SLC2A13: variants seen among roughly 807,000 people sequenced by gnomAD.
SLC2A13 encodes the protein proton myo-inositol cotransporter.
A neutral mutation model predicts 64.4 loss-of-function variants in SLC2A13; 32 were observed. That is an observed-to-expected ratio of 0.50 (90% CI 0.37 to 0.67). The LOEUF is 0.67. Among genes scored for constraint, SLC2A13 ranks in the 30% least tolerant of loss-of-function variants. The pLI, the probability that SLC2A13 is intolerant of heterozygous loss-of-function variation, is 0.00. For synonymous variants in SLC2A13, 338 were observed against 327.1 expected, an observed-to-expected ratio of 1.03 and a Z score of -0.36; for missense variants, 743 against 829.2, an observed-to-expected ratio of 0.90 and a Z score of 1.28.
At chr12:39,764,659 AT>A (rs1318423643) in intron 8 of SLC2A13, 47 bp from the exon 9 acceptor site, 1 of 1,582,136 alleles carries the variant, frequency 6.3e-7, no homozygotes, top group South Asian at 1.2e-5. Flanking sequence ...CATGTAAGAA[AT>A]TTGAAAAATT....
intron 6 of SLC2A13, among the ~76,000 whole-genome samples, chr12:39,840,416 A>G (rs1943151391): frequency 6.6e-6 from 1 of 151,904 alleles, no homozygotes. Context: ...AGAGCTTCCC[A>G]TTGCCTATAG....
At chr12:39,886,999 T>C (rs1944480066) in intron 4 of SLC2A13, among the ~76,000 whole-genome samples, 2 of 152,214 alleles carry the variant, frequency 1.3e-5, no homozygotes, top group African/African-American at 4.8e-5. Context: ...CTAAACATTT[T>C]AGGGTATAAT....
chr12:39,828,058 C>A (rs1942743065), intron 7 of SLC2A13, among the ~76,000 whole-genome samples: 1 of 152,040 alleles, frequency 6.6e-6, no homozygotes, highest in Non-Finnish European at 1.5e-5. Context: ...ACCAAACCAC[C>A]AATCAACCAA....
intron 3 of SLC2A13, among the ~76,000 whole-genome samples, chr12:39,971,254 T>C (rs1358788918): frequency 6.6e-6 from 1 of 152,190 alleles, no homozygotes; most frequent in East Asian, 1.9e-4. Context: ...AAGATCAAAG[T>C]CATTGAATCA....
intron 7 of SLC2A13, among the ~76,000 whole-genome samples, chr12:39,790,284 T>A (rs778961600): frequency 1.3e-5 from 2 of 151,272 alleles, no homozygotes; most frequent in Non-Finnish European, 2.9e-5. Flanking sequence ...GTTAGTTACA[T>A]ATGTATACAT....
intron 4 of SLC2A13, among the ~76,000 whole-genome samples, chr12:39,920,225 T>C (rs948592039): frequency 1.3e-5 from 2 of 152,146 alleles, no homozygotes; most frequent in African/African-American, 4.8e-5. Flanking sequence ...CTTTTTTCTA[T>C]ACTTACAGAA....
chr12:39,862,685 G>A (rs1943793745), intron 6 of SLC2A13, among the ~76,000 whole-genome samples: 2 of 152,146 alleles, frequency 1.3e-5, no homozygotes, highest in African/African-American at 2.4e-5. Context: ...CTTAAGGAAA[G>A]GGGAAATGTA....
intron 6 of SLC2A13, among the ~76,000 whole-genome samples, chr12:39,839,523 C>T (rs1284298206): frequency 6.6e-6 from 1 of 152,024 alleles, no homozygotes; most frequent in Non-Finnish European, 1.5e-5. Flanking sequence ...ACTCGGAGCA[C>T]TTTTCCAACA....
rs1335179902 is a variant in SLC2A13, at chr12:39,891,834, G to A, written c.1035-19873C>T. Among the ~76,000 whole-genome samples the A allele has an allele frequency of 2.0e-5, 3 of 152,094 alleles. No individual in the cohort carries two copies. In the East Asian group the frequency reaches 5.8e-4, roughly 29 times the overall value. On this transcript the variant is annotated intron_variant, in intron 4 of 9. Coordinates refer to ENST00000280871, the MANE Select transcript of SLC2A13 (RefSeq NM_052885.4). ...CAGTCTTTTCCAGGCATTCAGCTGA[G>A]AACATCTATCTTTACTGTGAAATAA...
intron 7 of SLC2A13, chr12:39,788,741 A>C (rs1201898127): frequency 6.6e-6 from 1 of 152,140 alleles, no homozygotes; most frequent in Non-Finnish European, 1.5e-5. Flanking sequence ...CTGTAGTAAT[A>C]TAATGATGCT....
chr12:39,942,441 T>A (rs191155839), intron 4 of SLC2A13, among the ~76,000 whole-genome samples: 1 of 152,316 alleles, frequency 6.6e-6, no homozygotes, highest in Admixed American at 6.5e-5. Context: ...TTGTTAGGTA[T>A]ATTTCTAAGT....
chr12:39,787,916 A>G (rs1258056991), intron 7 of SLC2A13, among the ~76,000 whole-genome samples: 3 of 152,184 alleles, frequency 2.0e-5, no homozygotes, highest in African/African-American at 4.8e-5. Flanking sequence ...AAAGAGCAGT[A>G]TTGTCACCTA....
At chr12:39,917,461 T>C (rs1945540411) in intron 4 of SLC2A13, among the ~76,000 whole-genome samples, 2 of 152,104 alleles carry the variant, frequency 1.3e-5, no homozygotes, top group Non-Finnish European at 2.9e-5. Flanking sequence ...TCTGTGTGTG[T>C]CTGTCAGGGT....
At chr12:39,848,175 A>G (rs4382970) in intron 6 of SLC2A13, among the ~76,000 whole-genome samples, 82,923 of 152,038 alleles carry the variant, frequency 0.55, 22,848 homozygotes, top group East Asian at 0.74. Context: ...AAAATTGACA[A>G]GTGGGATCTA....
chr12:39,866,624 C>G (rs530460075), intron 5 of SLC2A13, among the ~76,000 whole-genome samples: 1 of 152,032 alleles, frequency 6.6e-6, no homozygotes, highest in Non-Finnish European at 1.5e-5. Context: ...GGACTACAGG[C>G]GCCCGCCACC....
chr12:39,955,804 C>T (rs1228277459), intron 3 of SLC2A13, among the ~76,000 whole-genome samples: 1 of 152,058 alleles, frequency 6.6e-6, no homozygotes, highest in South Asian at 2.1e-4. Flanking sequence ...ACCTACGCAG[C>T]CAAAAGCCAA....
At chr12:39,887,674 T>C (rs1206497483) in intron 4 of SLC2A13, among the ~76,000 whole-genome samples, 1 of 152,214 alleles carries the variant, frequency 6.6e-6, no homozygotes, top group African/African-American at 2.4e-5. Context: ...TTAGTTATTC[T>C]AATTCCATGA....
chr12:39,842,390 C>T (rs893222410), intron 6 of SLC2A13, among the ~76,000 whole-genome samples: 1 of 152,048 alleles, frequency 6.6e-6, no homozygotes, highest in Admixed American at 6.6e-5. Flanking sequence ...GACTTCAAAT[C>T]AGATATTTTT....
At chr12:39,872,710 C>A in intron 4 of SLC2A13, among the ~76,000 whole-genome samples, 1 of 152,188 alleles carries the variant, frequency 6.6e-6, no homozygotes, top group East Asian at 1.9e-4. Flanking sequence ...CAAGACATTT[C>A]TTTTCTGGTG....
Sources: allele counts gnomAD v4.1 joint callset (sites outside exome capture counted in the v4.1 genomes callset), GRCh38; gene constraint gnomAD v4.1.1; transcripts MANE v1.5; gene names NCBI Gene and HGNC (gene_info 2026-07-23, HGNC 2026-07-21).